The following RSRC1 variants were observed in gnomAD, a reference collection of about 807,000 sequenced individuals.
RSRC1 encodes serine/Arginine-related protein 53.
In RSRC1, 39 loss-of-function variants were observed where a neutral mutation model predicts 49.1. The ratio of observed to expected loss-of-function variants is 0.79; its 90% confidence interval spans 0.61 to 1.04. The LOEUF is 1.04. Ranked by LOEUF, RSRC1 falls within the 50% of genes least tolerant of loss-of-function variation. RSRC1 has a pLI of 0.00. For missense variants in RSRC1, 388 were observed against 402.4 expected, an observed-to-expected ratio of 0.96 and a Z score of 0.31; for synonymous variants, 143 against 130.8, an observed-to-expected ratio of 1.09 and a Z score of -0.63.
intron 4 of RSRC1, among the ~76,000 whole-genome samples, chr3:158,239,357 T>C (rs745692562): frequency 5.9e-5 from 9 of 152,228 alleles, no homozygotes; most frequent in Non-Finnish European, 1.0e-4. Context: ...ATTCCATTAC[T>C]GGGTGTATAC....
chr3:158,509,053 T>C (rs772533252), intron 7 of RSRC1, among the ~76,000 whole-genome samples: 1 of 152,236 alleles, frequency 6.6e-6, no homozygotes, highest in South Asian at 2.1e-4. Flanking sequence ...TATGGCGTGA[T>C]ATTTAAGAGG....
chr3:158,237,358 C>G (rs898150921), intron 4 of RSRC1, among the ~76,000 whole-genome samples: 2 of 152,138 alleles, frequency 1.3e-5, no homozygotes, highest in African/African-American at 4.8e-5. Flanking sequence ...AAATACCTAG[C>G]AGTGGAATGG....
At chr3:158,288,840 C>A (rs1356059482) in intron 4 of RSRC1, among the ~76,000 whole-genome samples, 2 of 87,192 alleles carry the variant, frequency 2.3e-5, no homozygotes, top group African/African-American at 9.4e-5. Context: ...TCCCCGCCCC[C>A]CCCCCCCCCA....
intron 6 of RSRC1, among the ~76,000 whole-genome samples, chr3:158,363,545 G>T (rs751185839): frequency 6.6e-6 from 1 of 152,138 alleles, no homozygotes; most frequent in African/African-American, 2.4e-5. Context: ...GATTACAGGC[G>T]TGAGCCACCA....
intron 6 of RSRC1, among the ~76,000 whole-genome samples, chr3:158,431,409 T>G (rs7621282): frequency 0.058 from 8,784 of 151,812 alleles, 832 homozygotes; most frequent in African/African-American, 0.2. Context: ...TTTGAAAAAA[T>G]TAATGGTAGA....
intron 4 of RSRC1, among the ~76,000 whole-genome samples, chr3:158,231,311 T>C (rs1359450847): frequency 1.3e-5 from 2 of 152,014 alleles, no homozygotes; most frequent in East Asian, 3.9e-4. Context: ...AATTTTTGTA[T>C]TTTTAATAGA....
At chr3:158,453,087 C>A (rs1481773486) in intron 6 of RSRC1, among the ~76,000 whole-genome samples, 2 of 152,008 alleles carry the variant, frequency 1.3e-5, no homozygotes, top group African/African-American at 4.8e-5. Flanking sequence ...CCATCTTATT[C>A]TTTTTAGTGG....
At chr3:158,412,255 A>G (rs529237786) in intron 6 of RSRC1, among the ~76,000 whole-genome samples, 1 of 152,296 alleles carries the variant, frequency 6.6e-6, no homozygotes, top group East Asian at 1.9e-4. Flanking sequence ...AGGAAGAAGG[A>G]TAAGAACCAT....
intron 6 of RSRC1, among the ~76,000 whole-genome samples, chr3:158,365,312 C>T (rs1272783479): frequency 2.6e-5 from 4 of 152,044 alleles, no homozygotes; most frequent in Non-Finnish European, 5.9e-5. Context: ...ACCCACCCCC[C>T]GACAGGCCCC....
At chr3:158,128,910 G>A (rs1449367679) in intron 3 of RSRC1, among the ~76,000 whole-genome samples, 1 of 152,158 alleles carries the variant, frequency 6.6e-6, no homozygotes, top group East Asian at 1.9e-4. Context: ...AGTGAGCTAT[G>A]CATTTTTGGC....
intron 4 of RSRC1, among the ~76,000 whole-genome samples, chr3:158,210,165 A>T (rs1241792632): frequency 1.3e-5 from 2 of 152,198 alleles, no homozygotes; most frequent in Admixed American, 1.3e-4. Context: ...CATATAGGTT[A>T]TAGAGTTCTG....
At chr3:158,492,944 T>C (rs1331945283) in intron 7 of RSRC1, among the ~76,000 whole-genome samples, 1 of 152,204 alleles carries the variant, frequency 6.6e-6, no homozygotes, top group African/African-American at 2.4e-5. Context: ...AATGTGTTTC[T>C]AAGACTGTGA....
At chr3:158,385,684 T>C (rs1303013027) in intron 6 of RSRC1, among the ~76,000 whole-genome samples, 1 of 152,196 alleles carries the variant, frequency 6.6e-6, no homozygotes, top group Non-Finnish European at 1.5e-5. Context: ...CATTTGCTCA[T>C]GTTTTCTTTG....
intron 6 of RSRC1, among the ~76,000 whole-genome samples, chr3:158,432,264 CTG>C (rs1735805893): frequency 6.6e-6 from 1 of 151,960 alleles, no homozygotes; most frequent in Non-Finnish European, 1.5e-5. Context: ...GTCTGATAGA[CTG>C]TGACACAGAT....
intron 3 of RSRC1, among the ~76,000 whole-genome samples, chr3:158,171,012 G>C (rs1718851543): frequency 6.6e-6 from 1 of 152,078 alleles, no homozygotes; most frequent in African/African-American, 2.4e-5. Flanking sequence ...AGTTGCTCCT[G>C]GGAGCCAGAA....
intron 6 of RSRC1, among the ~76,000 whole-genome samples, chr3:158,426,398 G>GC (rs1384584149): frequency 6.6e-6 from 1 of 151,456 alleles, no homozygotes; most frequent in Non-Finnish European, 1.5e-5. Flanking sequence ...AGGAAAATGG[G>GC]CTAAGGATCA....
intron 4 of RSRC1, among the ~76,000 whole-genome samples, chr3:158,280,867 G>A (rs574941465): frequency 3.0e-4 from 46 of 151,868 alleles, no homozygotes; most frequent in Admixed American, 1.4e-3. Context: ...GTCTGGTTGC[G>A]AACTCCTGAG....
chr3:158,497,458 A>G (rs1269881968), intron 7 of RSRC1, among the ~76,000 whole-genome samples: 2 of 124,358 alleles, frequency 1.6e-5, no homozygotes, highest in African/African-American at 3.1e-5. Flanking sequence ...TTTTTTTGAG[A>G]TGGAGTCTCA....
chr3:158,321,129 A>T (rs1445052633), intron 5 of RSRC1, among the ~76,000 whole-genome samples: 1 of 151,586 alleles, frequency 6.6e-6, no homozygotes, highest in Non-Finnish European at 1.5e-5. Flanking sequence ...CCCTGTATTC[A>T]CCTTCCTCTT....
Sources: allele counts gnomAD v4.1 joint callset (sites outside exome capture counted in the v4.1 genomes callset), GRCh38; gene constraint gnomAD v4.1.1; transcripts MANE v1.5; gene names NCBI Gene and HGNC (gene_info 2026-07-23, HGNC 2026-07-21).